The following DNAH2 variants were observed in gnomAD, a reference collection of about 807,000 sequenced individuals.
DNAH2 encodes the protein dynein axonemal heavy chain 2.
A neutral mutation model predicts 523.5 loss-of-function variants in DNAH2; 323 were observed. That is an observed-to-expected ratio of 0.62 (90% CI 0.56 to 0.68). The LOEUF is 0.68. DNAH2 is among the 30% of genes least tolerant of loss of function. DNAH2 has a pLI of 0.00. For missense variants in DNAH2, 4,907 were observed against 5,701.5 expected (o/e 0.86, Z 4.49); for synonymous variants, 2,093 against 2,177.4 (o/e 0.96, Z 1.08).
At chr17:7,733,506 C>T (rs2075053427) in intron 5 of DNAH2, among the ~76,000 whole-genome samples, 191 bp downstream of exon 5, 2 of 112,434 alleles carry the variant, frequency 1.8e-5, no homozygotes, top group Admixed American at 9.0e-5. Context: ...GAGATGGAGT[C>T]TCACCCTGTT....
At chr17:7,725,168 C>T (rs1468304298) in intron 3 of DNAH2, among the ~76,000 whole-genome samples, 2 of 152,014 alleles carry the variant, frequency 1.3e-5, no homozygotes, top group Non-Finnish European at 2.9e-5. Flanking sequence ...GGGCTCACTG[C>T]AATCTCCGCC....
In DNAH2 at chr17:7,739,929, A is replaced by C. The variant is rs145415467; in HGVS notation, c.1367A>C (p.Asp456Ala). The change falls in exon 9 of 86, where the codon GAC (aspartate) becomes GCC (alanine). Residue 456 changes from aspartate to alanine, a missense_variant. By Grantham distance (126) the Asp-to-Ala change is moderately radical. Around this residue, in one of 3 missense-constraint regions of DNAH2, gnomAD observed 2,806 missense variants for 3,190.8 expected, o/e 0.88. Coordinates refer to ENST00000572933, the MANE Select transcript of DNAH2 (RefSeq NM_020877.5). ...LDVKNTCWHE[D>A]YNKFRAGIKD... ...GTCAAGAACACCTGTTGGCATGAAGACTACAATAAGTGAGGGAACCACAGG... is the reference window on the plus strand; with the variant it reads ...GTCAAGAACACCTGTTGGCATGAAGCCTACAATAAGTGAGGGAACCACAGG... 3.5e-5 allele frequency: 57 copies of C among 1,613,896 alleles called. No individual in the cohort carries two copies. The African/African-American group carries it at 7.1e-4, about 20-fold the overall frequency.
Position 7,754,852 on chromosome 17 carries a change from A to G in DNAH2, c.1905-2239A>G. ...CAGTGCCCTACAAAGACTTCAGAGT[A>G]GATATCTCTGTCTGCCAACGTGAGG... On this transcript the variant is annotated intron_variant, in intron 12 of 85. Coordinates refer to ENST00000572933, the MANE Select transcript of DNAH2 (RefSeq NM_020877.5). The surrounding 1 kb of genome is among the most constrained non-coding windows in gnomAD (Gnocchi z 4.6). 1.5e-6 allele frequency: 1 copy of G among 659,956 alleles called. No individual in the cohort carries two copies. Among genetic ancestry groups the G allele is most frequent in the Non-Finnish European group, 2.7e-6 (1 of 370,102 alleles). 40.9% of individuals were successfully genotyped at this position (659,956 alleles called of 1,614,324 possible).
At chr17:7,735,010 A>G (rs1448287480) in intron 7 of DNAH2, among the ~76,000 whole-genome samples, 1 of 152,178 alleles carries the variant, frequency 6.6e-6, no homozygotes, top group Admixed American at 6.6e-5. Flanking sequence ...TGGGAGCCAA[A>G]GATGAGCTCA....
Position 7,770,773 on chromosome 17 carries a change from A to C in DNAH2, c.4202A>C (p.Gln1401Pro), listed in dbSNP as rs1727637111. Residue 1401 changes from glutamine (Q) to proline (P), a missense_variant, in exon 27 of 86, where the codon CAG (glutamine) becomes CCG (proline). Gln to Pro is a moderately conservative substitution (Grantham distance 76). Around this residue, in one of 3 missense-constraint regions of DNAH2, gnomAD observed 2,806 missense variants for 3,190.8 expected, o/e 0.88. Transcript: ENST00000572933. ...HRLRGTEEVF[Q>P]ALEDNQVALS... Reference sequence around the variant, plus strand: ...CTCAGAGGTACAGAAGAAGTATTCCAGGCACTGGAAGATAACCAGGTAGCT... The same window carrying C: ...CTCAGAGGTACAGAAGAAGTATTCCCGGCACTGGAAGATAACCAGGTAGCT... The C allele has an allele frequency of 1.9e-6, 3 of 1,614,202 alleles. No homozygotes were observed. The highest frequency in any genetic ancestry group is 4.5e-5 in the East Asian group (2 of 44,888).
rs1206099853 is a variant in DNAH2 at position 7,724,573 on chromosome 17, G to A, written c.228+884G>A. The stretch of plus-strand genomic sequence containing the variant: ...GCAGAGGTTGCAGTGAGCCAAGATC[G>A]TGCCACTGTACTCCAGTCTGGGCAA... On this transcript the variant is annotated intron_variant, in intron 3 of 85. Transcript: ENST00000572933. 4.6e-5 allele frequency among the ~76,000 whole-genome samples: 7 copies of A among 152,014 alleles called. No individual in the cohort carries two copies. The East Asian group carries it at 5.8e-4, about 13-fold the overall frequency.
chr17:7,761,705 A>G (rs1484364354), intron 18 of DNAH2, among the ~76,000 whole-genome samples: 1 of 151,960 alleles, frequency 6.6e-6, no homozygotes, highest in Non-Finnish European at 1.5e-5. Context: ...GGCTGGTCTC[A>G]AACTCCTGAC....
In DNAH2 at chr17:7,798,321, G is replaced by C; in HGVS notation, c.8395G>C (p.Asp2799His). 1 of 1,609,212 alleles carries C rather than the reference G, an allele frequency of 6.2e-7. No homozygotes were observed. The highest frequency in any genetic ancestry group is 8.5e-7 in the Non-Finnish European group (1 of 1,176,470). ...ACATTATCGGAAGCAGGAGTTCCGAGATGGTACGGCTGGGTTTCTGAAATG... is the reference window on the plus strand; with the variant it reads ...ACATTATCGGAAGCAGGAGTTCCGACATGGTACGGCTGGGTTTCTGAAATG... ...TKHYRKQEFR[D>H]DIKRLYRQAG... Residue 2799 changes from aspartate to histidine, a missense_variant, in exon 54 of 86, where the codon GAT becomes CAT. Asp to His is a moderately conservative substitution (Grantham distance 81). This residue lies in a region of DNAH2 where 1,851 missense variants were observed against 2,139.4 expected (regional missense o/e 0.87). Coordinates refer to ENST00000572933, the MANE Select transcript of DNAH2 (RefSeq NM_020877.5). This position sits in a 1 kb window ranked among gnomAD's most constrained non-coding sequence, Gnocchi z 5.5.
chr17:7,729,591 A>G (rs950087617), intron 4 of DNAH2, among the ~76,000 whole-genome samples: 1 of 151,956 alleles, frequency 6.6e-6, no homozygotes, highest in African/African-American at 2.4e-5. Context: ...CCACCACACC[A>G]GGCTAATTTT....
rs779237421 is a variant in DNAH2, at chr17:7,739,865, C to G, written c.1303C>G (p.Leu435Val). Residue 435 changes from leucine (L) to valine (V), a missense_variant, in exon 9 of 86, where the codon CTG becomes GTG. Leu to Val is a conservative substitution (Grantham distance 32). Coordinates refer to ENST00000572933, the MANE Select transcript of DNAH2 (RefSeq NM_020877.5). ...LEIEDIFHKN[L>V]HTLRAVRGGI... ...GATTGAGGACATCTTTCATAAAAAT[C>G]TGCACACGCTGCGAGCCGTTCGCGG... is the stretch of plus-strand genomic sequence containing the variant. The G allele has an allele frequency of 6.2e-7, 1 of 1,614,050 alleles. No individual in the cohort carries two copies. Among genetic ancestry groups the G allele is most frequent in the Non-Finnish European group, 8.5e-7 (1 of 1,179,996 alleles).
In DNAH2 at chr17:7,784,291, A is replaced by G. The variant is rs1324387184; in HGVS notation, c.6130-1833A>G. 7.2e-5 allele frequency among the ~76,000 whole-genome samples: 11 copies of G among 152,238 alleles called. No homozygotes were observed. In the South Asian group the frequency reaches 2.3e-3, roughly 32 times the overall value. On this transcript the variant is annotated intron_variant, in intron 39 of 85. Transcript: ENST00000572933. ...GAGAGCTTAATATTTCTTAATTGAT[A>G]GAGCAAACAGACTAAAAATCAGGAT...
intron 12 of DNAH2, among the ~76,000 whole-genome samples, chr17:7,745,023 C>G (rs1450941972): frequency 6.6e-6 from 1 of 151,072 alleles, no homozygotes; most frequent in African/African-American, 2.4e-5. Flanking sequence ...GAGACAGAGT[C>G]TCACTCTGTC....
intron 7 of DNAH2, 45 bp downstream of exon 7, chr17:7,734,753 A>C (rs977030797): frequency 1.9e-6 from 3 of 1,590,606 alleles, no homozygotes; most frequent in African/African-American, 1.3e-5. Context: ...AGAAGTGGGC[A>C]ATGGTTGGGA....
At chr17:7,729,261 A>G (rs2074915681) in intron 4 of DNAH2, among the ~76,000 whole-genome samples, 1 of 151,984 alleles carries the variant, frequency 6.6e-6, no homozygotes, top group African/African-American at 2.4e-5. Context: ...ATAAAATCTT[A>G]GTAAAGAGAA....
intron 63 of DNAH2, among the ~76,000 whole-genome samples, chr17:7,812,208 C>T (rs1431373678): frequency 6.6e-6 from 1 of 152,138 alleles, no homozygotes; most frequent in Middle Eastern, 3.2e-3. Context: ...TACAATCTAA[C>T]CAATAAGCAT....
chr17:7,812,767 CAAAAAAAAAAAAAA>C (rs59534940), intron 63 of DNAH2, among the ~76,000 whole-genome samples: 6 of 23,820 alleles, frequency 2.5e-4, no homozygotes, highest in East Asian at 1.8e-3. Flanking sequence ...CTAAAAATAC[CAAAAAAAAAAAAAA>C]AAAAAAAAAA....
intron 63 of DNAH2, among the ~76,000 whole-genome samples, chr17:7,813,152 A>G (rs1271754700): frequency 2.0e-5 from 3 of 152,284 alleles, no homozygotes; most frequent in Admixed American, 6.5e-5. Flanking sequence ...AATTTTTGAT[A>G]GCTATTAAAA....
intron 49 of DNAH2, 41 bp downstream of exon 49, chr17:7,794,399 G>A: frequency 6.5e-7 from 1 of 1,547,986 alleles, no homozygotes; most frequent in Non-Finnish European, 8.8e-7. Context: ...GGGAGGGTAG[G>A]AGGTGAAACG....
At chr17:7,792,185 G>A in intron 45 of DNAH2, 67 bp from the exon 46 acceptor site, 1 of 1,602,068 alleles carries the variant, frequency 6.2e-7, no homozygotes, top group East Asian at 2.2e-5. Flanking sequence ...GTGGTCTGGG[G>A]CCCGTTCTCT....
Sources: allele counts gnomAD v4.1 joint callset (sites outside exome capture counted in the v4.1 genomes callset), GRCh38; gene constraint gnomAD v4.1.1; regional missense constraint gnomAD v4.1.1; non-coding constraint Gnocchi (gnomAD v3.1); transcripts MANE v1.5; gene names NCBI Gene and HGNC (gene_info 2026-07-23, HGNC 2026-07-21).